ARHGAP18: variants seen among roughly 807,000 people sequenced by gnomAD.
ARHGAP18 encodes the protein rho GTPase-activating protein 18.
A neutral mutation model predicts 86.2 loss-of-function variants in ARHGAP18; 67 were observed. That is an observed-to-expected ratio of 0.78 (90% confidence interval 0.64 to 0.95). The LOEUF (loss-of-function observed/expected upper bound fraction) is 0.95. Among genes scored for constraint, ARHGAP18 ranks in the 40% least tolerant of loss-of-function variants. ARHGAP18 has a pLI of 0.00. For missense variants in ARHGAP18, 691 were observed against 780.4 expected, an observed-to-expected ratio of 0.89 and a Z score of 1.37; for synonymous variants, 283 against 280.4, an observed-to-expected ratio of 1.01 and a Z score of -0.09.
intron 4 of ARHGAP18, among the ~76,000 whole-genome samples, chr6:129,630,399 A>G (rs1031522744): frequency 1.3e-5 from 2 of 152,192 alleles, no homozygotes; most frequent in Admixed American, 6.5e-5. Context: ...CCAAGAACCA[A>G]GATTACTGAT....
chr6:129,578,778 A>G (rs889076266), intron 14 of ARHGAP18, among the ~76,000 whole-genome samples, 174 bp from the exon 15 acceptor site: 1 of 152,162 alleles, frequency 6.6e-6, no homozygotes, highest in Non-Finnish European at 1.5e-5. Context: ...AGCCTGGGCA[A>G]CATAATGAAA....
rs768036176 is a variant in ARHGAP18, at chr6:129,641,898, A to G, written c.234T>C (p.Tyr78=). 1 of 1,613,896 alleles carries G rather than the reference A, an allele frequency of 6.2e-7. No homozygotes were observed. The highest frequency in any genetic ancestry group is 8.5e-7 in the Non-Finnish European group (1 of 1,179,854). The change falls in exon 2 of 15, where the codon TAT becomes TAC. Residue 78 remains tyrosine (Y), a synonymous_variant. Transcript: ENST00000368149. ...TCTTGATGTTTTCTAGTTCTATCCA[A>G]TAGTCTTCCATAGATAGTTCATCCA... ...DSLDELSMED[Y]WIELENIKKS...
intron 1 of ARHGAP18, among the ~76,000 whole-genome samples, chr6:129,666,859 A>G (rs1350724029): frequency 1.4e-5 from 2 of 144,918 alleles, no homozygotes; most frequent in Admixed American, 6.9e-5. Flanking sequence ...TGGGAACACC[A>G]TTCTTTTCTC....
intron 1 of ARHGAP18, among the ~76,000 whole-genome samples, chr6:129,683,140 C>T (rs1235501255): frequency 6.7e-6 from 1 of 150,172 alleles, no homozygotes; most frequent in Non-Finnish European, 1.5e-5. Context: ...GGCGTGATCT[C>T]GGCTCACTGC....
At chr6:129,583,587 TTG>T (rs889900398) in intron 13 of ARHGAP18, among the ~76,000 whole-genome samples, 1 of 152,178 alleles carries the variant, frequency 6.6e-6, no homozygotes, top group African/African-American at 2.4e-5. Context: ...ATAGAAAAAG[TTG>T]TGTCTTTTCT....
chr6:129,618,545 C>T, intron 6 of ARHGAP18, 142 bp downstream of exon 6: 1 of 762,912 alleles, frequency 1.3e-6, no homozygotes, highest in Non-Finnish European at 2.0e-6. Flanking sequence ...AAGGCAACAT[C>T]TTAGAATATA....
chr6:129,633,960 A>T, intron 4 of ARHGAP18, 82 bp downstream of exon 4: 1 of 1,197,876 alleles, frequency 8.3e-7, no homozygotes, highest in Non-Finnish European at 1.2e-6. Flanking sequence ...CTAGAATTGA[A>T]GGTAATGTTT....
intron 7 of ARHGAP18, 49 bp downstream of exon 7, chr6:129,616,163 A>G (rs778110611): frequency 7.2e-7 from 1 of 1,389,508 alleles, no homozygotes; most frequent in South Asian, 1.4e-5. Context: ...AAAAACCACT[A>G]TTAGCTTAAG....
intron 1 of ARHGAP18, among the ~76,000 whole-genome samples, chr6:129,709,668 G>A (rs1261605232): frequency 6.6e-6 from 1 of 152,248 alleles, no homozygotes; most frequent in Non-Finnish European, 1.5e-5. Flanking sequence ...CAGTGGCAGT[G>A]CCTTGAGCCC....
intron 8 of ARHGAP18, 124 bp downstream of exon 8, chr6:129,611,405 TTTTA>T (rs1788976618): frequency 1.4e-6 from 1 of 725,856 alleles, no homozygotes; most frequent in Admixed American, 2.9e-5. Flanking sequence ...TGGTAAAAGG[TTTTA>T]TTGTTTTATT....
At chr6:129,641,728 A>ATTT in intron 2 of ARHGAP18, 88 bp downstream of exon 2, 2 of 1,155,160 alleles carry the variant, frequency 1.7e-6, no homozygotes, top group African/African-American at 1.6e-5. Flanking sequence ...CCTAGCTTTA[A>ATTT]TTTTTTTTTT....
intron 1 of ARHGAP18, among the ~76,000 whole-genome samples, chr6:129,694,832 C>A (rs1427767034): frequency 2.0e-5 from 3 of 152,068 alleles, no homozygotes; most frequent in Non-Finnish European, 4.4e-5. Flanking sequence ...AAATGTTTTG[C>A]TGAAAGACTT....
At chr6:129,606,209 T>C (rs117797905) in intron 9 of ARHGAP18, among the ~76,000 whole-genome samples, 2 of 152,282 alleles carry the variant, frequency 1.3e-5, no homozygotes, top group Non-Finnish European at 2.9e-5. Context: ...CGGCCTTATG[T>C]TTGCAGACAC....
chr6:129,685,820 T>C (rs762044420), intron 1 of ARHGAP18, among the ~76,000 whole-genome samples: 1 of 152,168 alleles, frequency 6.6e-6, no homozygotes, highest in Non-Finnish European at 1.5e-5. Context: ...ATTTAGTTAA[T>C]ACTTGAGTTC....
chr6:129,648,460 G>A (rs1246210414), intron 1 of ARHGAP18, among the ~76,000 whole-genome samples: 1 of 151,442 alleles, frequency 6.6e-6, no homozygotes, highest in African/African-American at 2.4e-5. Context: ...CACTGTGCCT[G>A]TCCAGTGCAC....
chr6:129,604,783 G>A (rs1788819145), intron 10 of ARHGAP18, among the ~76,000 whole-genome samples: 1 of 152,118 alleles, frequency 6.6e-6, no homozygotes, highest in Admixed American at 6.6e-5. Flanking sequence ...CTTTTTTTCT[G>A]ATTTAGGAAA....
chr6:129,610,229 T>C (rs1788948311), intron 8 of ARHGAP18, among the ~76,000 whole-genome samples: 2 of 152,368 alleles, frequency 1.3e-5, no homozygotes, highest in South Asian at 4.1e-4. Context: ...ATTCCAAGTA[T>C]GAGTCCCCTT....
At chr6:129,649,961 G>T (rs1394586129) in intron 1 of ARHGAP18, among the ~76,000 whole-genome samples, 1 of 141,078 alleles carries the variant, frequency 7.1e-6, no homozygotes, top group Admixed American at 7.5e-5. Context: ...TGTCCAGGCT[G>T]TAGTGCAATG....
chr6:129,657,922 A>G (rs1433010758), intron 1 of ARHGAP18, among the ~76,000 whole-genome samples: 1 of 152,198 alleles, frequency 6.6e-6, no homozygotes, highest in African/African-American at 2.4e-5. Flanking sequence ...TGCTCCATGA[A>G]TCATAGTATA....
Sources: allele counts gnomAD v4.1 joint callset (sites outside exome capture counted in the v4.1 genomes callset), GRCh38; gene constraint gnomAD v4.1.1; transcripts MANE v1.5; gene names NCBI Gene and HGNC (gene_info 2026-07-23, HGNC 2026-07-21).